FAAH2: variants seen among roughly 807,000 people sequenced by gnomAD.
FAAH2 encodes the protein fatty acid amide hydrolase 2.
Under a neutral mutation model 36.9 loss-of-function variants are expected in FAAH2, and 60 were observed. The ratio of observed to expected loss-of-function variants is 1.63; its 90% confidence interval spans 1.32 to 2.02. The LOEUF is 2.02. Among genes scored for constraint, FAAH2 ranks in the 30% most tolerant of loss-of-function variants. FAAH2 has a pLI of 0.00. For missense variants in FAAH2, 689 were observed against 397.5 expected, an observed-to-expected ratio of 1.73 and a Z score of -6.23; for synonymous variants, 214 against 143.8, an observed-to-expected ratio of 1.49 and a Z score of -3.49.
intron 7 of FAAH2, chrX:57,393,094 C>T: frequency 1.1e-6 from 1 of 950,756 alleles, no homozygotes; most frequent in Non-Finnish European, 1.5e-6. Flanking sequence ...AGTGAGTGCA[C>T]TTCACGGCAT....
At chrX:57,327,719 T>C (rs1189013400) in intron 3 of FAAH2, among the ~76,000 whole-genome samples, 1 of 111,413 alleles carries the variant, frequency 9.0e-6, no homozygotes, top group African/African-American at 3.3e-5. Context: ...TCTGCCTTGA[T>C]TATTGTAGTT....
At chrX:57,273,377 T>A in the FAAH2 span, among the ~76,000 whole-genome samples, 1 of 111,448 alleles carries the variant, frequency 9.0e-6, no homozygotes, top group Non-Finnish European at 1.9e-5. Flanking sequence ...ACAGTGATAT[T>A]CAAGACTTGA....
rs750504089 is a variant in FAAH2, at chrX:57,327,804, C to T, written c.413-3794C>T. 4.4e-3 allele frequency among the ~76,000 whole-genome samples: 489 copies of T among 111,282 alleles called. 3 individuals are homozygous for T. Among genetic ancestry groups the T allele is most frequent in the Non-Finnish European group, 8.1e-3 (428 of 53,090 alleles). The stretch of plus-strand genomic sequence containing the variant: ...GTTCAAACTTCCTCCTTTAGCTTGC[C>T]GTAGTTTGATAATCTGAAGCCTTCT... On this transcript the variant is annotated intron_variant, in intron 3 of 10. Transcript: ENST00000374900.
At chrX:57,341,120 A>T (rs756300943) in intron 4 of FAAH2, 151 bp from the exon 5 acceptor site, 2 of 480,677 alleles carry the variant, frequency 4.2e-6, no homozygotes, top group African/African-American at 2.4e-5. Context: ...GATGAATAGA[A>T]TAAAATTATG....
chrX:57,134,574 T>C, the FAAH2 span: 4 of 111,691 alleles, frequency 3.6e-5, no homozygotes, highest in Middle Eastern at 4.2e-3. Flanking sequence ...CCCTCATCTC[T>C]AGATAGAAAA....
At chrX:57,145,096 T>C in the FAAH2 span, among the ~76,000 whole-genome samples, 3 of 111,845 alleles carry the variant, frequency 2.7e-5, no homozygotes, top group Non-Finnish European at 5.6e-5. Flanking sequence ...CTGGATCAAA[T>C]GTTAGTTCTA....
intron 10 of FAAH2, among the ~76,000 whole-genome samples, chrX:57,462,462 G>A (rs1427061076): frequency 9.0e-6 from 1 of 111,596 alleles, no homozygotes; most frequent in South Asian, 3.7e-4. Flanking sequence ...TATCCATCAC[G>A]ATGAAGTCGG....
At chrX:57,409,039 G>A (rs1239081905) in intron 7 of FAAH2, among the ~76,000 whole-genome samples, 3 of 111,114 alleles carry the variant, frequency 2.7e-5, no homozygotes, top group Non-Finnish European at 5.7e-5. Context: ...CTAGTTCCTA[G>A]GATACTAACA....
chrX:57,348,577 G>A (rs776623550), intron 5 of FAAH2, among the ~76,000 whole-genome samples: 2 of 111,133 alleles, frequency 1.8e-5, no homozygotes, highest in Non-Finnish European at 1.9e-5. Flanking sequence ...TGTGACCGCT[G>A]AAGCCTGAAG....
intron 3 of FAAH2, among the ~76,000 whole-genome samples, chrX:57,315,745 C>T (rs749246764): frequency 2.2e-4 from 24 of 111,218 alleles, no homozygotes; most frequent in Non-Finnish European, 3.8e-4. Flanking sequence ...GACTAGGCAT[C>T]GAAGGAACAT....
At chrX:57,446,879 C>A (rs771643778) in intron 8 of FAAH2, 49 bp from the exon 9 acceptor site, 1 of 1,005,401 alleles carries the variant, frequency 9.9e-7, no homozygotes, top group South Asian at 2.1e-5. Flanking sequence ...TTGGTCTTTA[C>A]TATTTTGAGA....
At chrX:57,433,040 C>A (rs2056337811) in intron 8 of FAAH2, among the ~76,000 whole-genome samples, 1 of 109,830 alleles carries the variant, frequency 9.1e-6, no homozygotes, top group Non-Finnish European at 1.9e-5. Flanking sequence ...CTTTGGAAAT[C>A]TCTCAGAACA....
the FAAH2 span, among the ~76,000 whole-genome samples, chrX:57,233,311 C>T: frequency 1.8e-5 from 2 of 111,467 alleles, no homozygotes; most frequent in South Asian, 7.5e-4. Context: ...GGCAAAATAC[C>T]CGCCATGAGC....
chrX:57,386,448 C>T (rs780345046), intron 7 of FAAH2, among the ~76,000 whole-genome samples: 1 of 111,476 alleles, frequency 9.0e-6, no homozygotes, highest in South Asian at 3.7e-4. Context: ...TTGGTACTTT[C>T]CTGGCGAGCT....
chrX:57,125,576 A>G, the FAAH2 span, among the ~76,000 whole-genome samples: 1 of 111,586 alleles, frequency 9.0e-6, no homozygotes, highest in Non-Finnish European at 1.9e-5. Flanking sequence ...CATCCACCAA[A>G]TGCCCTGTTT....
the FAAH2 span, among the ~76,000 whole-genome samples, chrX:57,206,771 T>TG: frequency 8.9e-6 from 1 of 112,393 alleles, no homozygotes; most frequent in Non-Finnish European, 1.9e-5. Context: ...AAGGCAGTCC[T>TG]GGCTGCAATG....
intron 3 of FAAH2, among the ~76,000 whole-genome samples, chrX:57,328,093 C>G (rs2053274476): frequency 8.9e-6 from 1 of 112,148 alleles, no homozygotes; most frequent in East Asian, 2.8e-4. Flanking sequence ...TTGGAGTTTG[C>G]TGGAGGTCCC....
intron 2 of FAAH2, among the ~76,000 whole-genome samples, chrX:57,294,943 A>G (rs1448894554): frequency 1.8e-5 from 2 of 112,266 alleles, no homozygotes; most frequent in Admixed American, 1.9e-4. Flanking sequence ...ACAAAAAAAA[A>G]GTAACACTGA....
At chrX:57,306,129 G>A (rs1402479499) in intron 2 of FAAH2, among the ~76,000 whole-genome samples, 3 of 111,613 alleles carry the variant, frequency 2.7e-5, no homozygotes, top group Non-Finnish European at 5.6e-5. Context: ...CCAGAAAGTG[G>A]GTAACTTCAA....
Sources: gnomAD v4.1 joint callset for allele counts (sites outside exome capture counted in the v4.1 genomes callset) on GRCh38, gnomAD v4.1.1 for gene constraint, MANE v1.5 for transcripts, NCBI Gene and HGNC (gene_info 2026-07-23, HGNC 2026-07-21) for gene names.